PAIP2: variants seen among roughly 807,000 people sequenced by gnomAD.
PAIP2 encodes the protein polyadenylate-binding protein-interacting protein 2.
A neutral mutation model predicts 14.8 loss-of-function variants in PAIP2; 7 were observed. The observed-to-expected ratio is 0.47, with a 90% CI of 0.27 to 0.89. The LOEUF (loss-of-function observed/expected upper bound fraction) is 0.89. PAIP2 is among the 40% of genes least tolerant of loss of function. The pLI, the probability that PAIP2 is intolerant of heterozygous loss-of-function variation, is 0.13. For missense variants in PAIP2, 122 were observed against 154.7 expected, an observed-to-expected ratio of 0.79 and a Z score of 1.12; for synonymous variants, 47 against 45.3, an observed-to-expected ratio of 1.04 and a Z score of -0.15.
chr5:139,354,813 C>G (rs755135712), intron 1 of PAIP2, among the ~76,000 whole-genome samples: 1 of 150,206 alleles, frequency 6.7e-6, no homozygotes, highest in Non-Finnish European at 1.5e-5. Flanking sequence ...TTTTTCATTT[C>G]AGTTGTACCT....
intron 1 of PAIP2, among the ~76,000 whole-genome samples, chr5:139,357,311 A>G (rs376163905): frequency 1.3e-5 from 2 of 152,164 alleles, no homozygotes; most frequent in African/African-American, 4.8e-5. Flanking sequence ...GACTACCAGG[A>G]TATGTGGGAG....
intron 1 of PAIP2, among the ~76,000 whole-genome samples, chr5:139,347,263 T>C (rs370226096): frequency 4.3e-5 from 6 of 139,428 alleles, no homozygotes; most frequent in African/African-American, 1.6e-4. Flanking sequence ...ATACTCATGT[T>C]ACAACTTTTT....
chr5:139,346,592 C>T (rs1354590492), intron 1 of PAIP2, among the ~76,000 whole-genome samples: 2 of 151,838 alleles, frequency 1.3e-5, no homozygotes, highest in Non-Finnish European at 2.9e-5. Flanking sequence ...AATGCAGTGG[C>T]ACCATCTCAG....
chr5:139,346,461 T>A (rs1756552565), intron 1 of PAIP2, among the ~76,000 whole-genome samples: 1 of 151,750 alleles, frequency 6.6e-6, no homozygotes, highest in Non-Finnish European at 1.5e-5. Context: ...ATGGTCTCAA[T>A]CTCTTGACCT....
At chr5:139,342,589 T>A (rs991538974) in intron 1 of PAIP2, 6 of 152,196 alleles carry the variant, frequency 3.9e-5, no homozygotes, top group African/African-American at 1.2e-4. Flanking sequence ...GTATTGCAGC[T>A]CATGCCCTGG....
intron 3 of PAIP2, among the ~76,000 whole-genome samples, chr5:139,368,342 A>T (rs527298954): frequency 6.7e-5 from 10 of 148,414 alleles, no homozygotes; most frequent in Non-Finnish European, 1.5e-4. Flanking sequence ...TCCGTCTCAT[A>T]AAAAAAAAAC....
chr5:139,360,539 C>T (rs1757038202), intron 1 of PAIP2, among the ~76,000 whole-genome samples: 1 of 152,098 alleles, frequency 6.6e-6, no homozygotes, highest in South Asian at 2.1e-4. Flanking sequence ...GCCGCCCAGG[C>T]TGGAGTGCAG....
chr5:139,360,777 CTT>C (rs61294239), intron 1 of PAIP2, among the ~76,000 whole-genome samples: 3 of 141,880 alleles, frequency 2.1e-5, no homozygotes, highest in Admixed American at 7.0e-5. Flanking sequence ...TCCTGCCTTT[CTT>C]TTTTTTTTTT....
At position 139,368,717 on chromosome 5, in the gene PAIP2, T is replaced by C. The variant is rs1165259532; in HGVS notation, c.319-16T>C. 1 of 1,599,234 alleles carries C rather than the reference T, an allele frequency of 6.3e-7. No individual in the cohort carries two copies. The highest frequency in any genetic ancestry group is 8.6e-7 in the Non-Finnish European group (1 of 1,166,782). ...CTGTGTTAATGAACTTGCTTTTTTA[T>C]GTACTTATTTTCCAGGTCAAGAGCA... is the stretch of plus-strand genomic sequence containing the variant. On this transcript the variant is annotated splice_polypyrimidine_tract_variant and intron_variant, in intron 3 of 3. Coordinates refer to ENST00000265192, the MANE Select transcript of PAIP2 (RefSeq NM_016480.5).
At position 139,368,928 on chromosome 5, in the gene PAIP2, T is replaced by C. The variant is rs1344073576; in HGVS notation, c.*130T>C. On this transcript the variant is annotated 3_prime_UTR_variant, in exon 4 of 4. Coordinates refer to ENST00000265192, the MANE Select transcript of PAIP2 (RefSeq NM_016480.5). Reference sequence around the variant, plus strand: ...TGCATTGCCAAAGTTTTTGTTAGTCTTGCATGCTTAATAAAAGTGCTGAGA... The same window carrying C: ...TGCATTGCCAAAGTTTTTGTTAGTCCTGCATGCTTAATAAAAGTGCTGAGA... The C allele has an allele frequency of 4.7e-6, 3 of 635,060 alleles. No individual in the cohort carries two copies. The highest frequency in any genetic ancestry group is 2.1e-5 in the South Asian group (1 of 48,238). 39.3% of individuals were successfully genotyped at this position (635,060 alleles called of 1,614,324 possible).
chr5:139,353,984 A>G (rs760707230), intron 1 of PAIP2, among the ~76,000 whole-genome samples: 7 of 152,206 alleles, frequency 4.6e-5, no homozygotes, highest in Non-Finnish European at 8.8e-5. Flanking sequence ...GGCCTCCCAA[A>G]GTGCTGGGAT....
intron 1 of PAIP2, among the ~76,000 whole-genome samples, chr5:139,346,186 T>C (rs549734027): frequency 6.6e-6 from 1 of 152,348 alleles, no homozygotes; most frequent in South Asian, 2.1e-4. Context: ...CAAAATCTGG[T>C]GAAATATATG....
chr5:139,342,348 C>T (rs1018742903), intron 1 of PAIP2: 1 of 152,186 alleles, frequency 6.6e-6, no homozygotes, highest in Non-Finnish European at 1.5e-5. Context: ...CCTCCCACCG[C>T]CTCGGCAACA....
chr5:139,342,014 G>T (rs1756392565), intron 1 of PAIP2, 34 bp downstream of exon 1: 1 of 152,798 alleles, frequency 6.5e-6, no homozygotes, highest in Non-Finnish European at 1.5e-5. Context: ...TGGCGACAGG[G>T]GTGCGGAGGT....
rs1433041659 is a variant in PAIP2, at chr5:139,369,594, C to T, written c.*796C>T. The T allele has an allele frequency of 6.6e-6, 1 of 152,488 alleles. No individual in the cohort carries two copies. The highest frequency in any genetic ancestry group is 1.5e-5 in the Non-Finnish European group (1 of 68,034). 9.4% of individuals were successfully genotyped at this position (152,488 alleles called of 1,614,324 possible). ...GCTAGAACAGTTTTGGCTTCTTAAACTTCATATTTGGGTAGGTTAAGCTGC... is the reference window on the plus strand; with the variant it reads ...GCTAGAACAGTTTTGGCTTCTTAAATTTCATATTTGGGTAGGTTAAGCTGC... On this transcript the variant is annotated 3_prime_UTR_variant, in exon 4 of 4. Transcript: ENST00000265192.
Position 139,369,711 on chromosome 5 carries a change from G to T in PAIP2, c.*913G>T, listed in dbSNP as rs1757535868. ...ATATTTAAAAAAATAAATAATAGTA[G>T]AACTGAGCAGATGGTTGTGTTTATT... On this transcript the variant is annotated 3_prime_UTR_variant, in exon 4 of 4. Coordinates refer to ENST00000265192, the MANE Select transcript of PAIP2 (RefSeq NM_016480.5). 6.6e-6 allele frequency: 1 copy of T among 152,460 alleles called. No homozygotes were observed. The highest frequency in any genetic ancestry group is 2.4e-5 in the African/African-American group (1 of 41,398). The allele number at this position is 152,460 out of a possible 1,614,324, so 9.4% of individuals were successfully genotyped here. A position where few individuals can be genotyped will look rare whatever the true frequency, so the allele number is the denominator to read the frequency against.
intron 1 of PAIP2, among the ~76,000 whole-genome samples, chr5:139,346,290 G>A (rs917510841): frequency 2.6e-5 from 4 of 152,060 alleles, no homozygotes; most frequent in Admixed American, 6.5e-5. Context: ...TCACCAGGCC[G>A]GAGTGCAGTG....
At chr5:139,349,608 C>T (rs553145289) in intron 1 of PAIP2, among the ~76,000 whole-genome samples, 71 of 152,044 alleles carry the variant, frequency 4.7e-4, no homozygotes, top group African/African-American at 1.1e-3. Context: ...GGAAAATAAA[C>T]GCTATAGAAA....
chr5:139,343,114 A>G (rs1756432566), intron 1 of PAIP2: 1 of 152,224 alleles, frequency 6.6e-6, no homozygotes, highest in Non-Finnish European at 1.5e-5. Context: ...TGTGTTTGCA[A>G]TAAGTAAAAG....
Sources: gnomAD v4.1 joint callset for allele counts (sites outside exome capture counted in the v4.1 genomes callset) on GRCh38, gnomAD v4.1.1 for gene constraint, MANE v1.5 for transcripts, NCBI Gene and HGNC (gene_info 2026-07-23, HGNC 2026-07-21) for gene names.